The following CATSPER3 variants were observed in gnomAD, a reference collection of about 807,000 sequenced individuals.
CATSPER3 encodes the protein cation channel sperm associated 3.
CATSPER3 carries 23 observed loss-of-function variants against 36.6 expected under a neutral mutation model. The ratio of observed to expected loss-of-function variants is 0.63; its 90% CI spans 0.45 to 0.89. The LOEUF (loss-of-function observed/expected upper bound fraction) is 0.89, where lower values mean the gene tolerates loss of function less well. CATSPER3 is among the 40% of genes least tolerant of loss of function. The pLI, the probability that CATSPER3 is intolerant of heterozygous loss-of-function variation, is 0.00. For synonymous variants in CATSPER3, 172 were observed against 184.1 expected (o/e 0.93, Z 0.53); for missense variants, 474 against 503.9 (o/e 0.94, Z 0.57).
intron 2 of CATSPER3, among the ~76,000 whole-genome samples, chr5:134,993,664 A>G (rs992819095): frequency 6.6e-6 from 1 of 152,160 alleles, no homozygotes; most frequent in African/African-American, 2.4e-5. Context: ...GAAATAGATA[A>G]TTTTCTAAAA....
intron 3 of CATSPER3, among the ~76,000 whole-genome samples, chr5:135,007,170 G>T (rs907273499): frequency 6.6e-6 from 1 of 152,212 alleles, no homozygotes; most frequent in African/African-American, 2.4e-5. Context: ...TTGAGAGTTG[G>T]TCCCAGCTCT....
intron 1 of CATSPER3, chr5:134,969,406 A>G (rs1056197321): frequency 6.1e-6 from 1 of 164,966 alleles, no homozygotes; most frequent in Admixed American, 5.8e-5. Context: ...CCTGATTGGT[A>G]TTGCTGTAGA....
rs1236818123 is a variant in CATSPER3, at chr5:135,010,529, A to C, written c.1093A>C (p.Lys365Gln). 3.8e-5 allele frequency: 61 copies of C among 1,613,934 alleles called. No individual in the cohort carries two copies. The highest frequency in any genetic ancestry group is 5.0e-5 in the Non-Finnish European group (59 of 1,179,930). The change falls in exon 7 of 8, where the codon AAG (lysine) becomes CAG (glutamine). Residue 365 changes from lysine (K) to glutamine (Q), a missense_variant and splice_region_variant. By Grantham distance (53) the Lys-to-Gln change is moderately conservative. Coordinates refer to ENST00000282611, the MANE Select transcript of CATSPER3 (RefSeq NM_178019.3). ...TLDYQDTTVHKLQELYYEIVH... is the reference protein window; with the variant it reads ...TLDYQDTTVHQLQELYYEIVH... Reference sequence around the variant, plus strand: ...GGACTACCAGGACACAACTGTCCACAAGTCAGTTCCAGCCCCAGCCTTCCC... The same window carrying C: ...GGACTACCAGGACACAACTGTCCACCAGTCAGTTCCAGCCCCAGCCTTCCC...
chr5:134,988,039 C>G (rs1751832374), intron 2 of CATSPER3, among the ~76,000 whole-genome samples: 1 of 152,142 alleles, frequency 6.6e-6, no homozygotes, highest in South Asian at 2.1e-4. Context: ...GATTAAGTTC[C>G]AGACCACCAC....
chr5:134,996,522 C>A lies in CATSPER3; in HGVS notation c.492+10C>A. 3 of 1,613,552 alleles carry A rather than the reference C, an allele frequency of 1.9e-6. No homozygotes were observed. The highest frequency in any genetic ancestry group is 2.5e-6 in the Non-Finnish European group (3 of 1,179,852). The stretch of plus-strand genomic sequence containing the variant: ...TAGCCAGGGCATCCGGGTGAGTGCA[C>A]TGGGGGTGTCATGGTGCTGGGAGGG... On this transcript the variant is annotated intron_variant, in intron 3 of 7. Coordinates refer to ENST00000282611, the MANE Select transcript of CATSPER3 (RefSeq NM_178019.3).
chr5:134,976,225 G>A (rs921302653), intron 2 of CATSPER3, among the ~76,000 whole-genome samples: 9 of 152,154 alleles, frequency 5.9e-5, no homozygotes, highest in Non-Finnish European at 2.9e-5. Flanking sequence ...TGGTGATGCT[G>A]GCACCAGATG....
chr5:135,009,612 TTA>T, intron 6 of CATSPER3, 122 bp downstream of exon 6: 33 of 59,042 alleles, frequency 5.6e-4, no homozygotes, highest in Non-Finnish European at 7.7e-4. Context: ...ATCTGCAGCC[TTA>T]GGTAAGACAG....
chr5:135,009,217 C>A (rs181270927), intron 5 of CATSPER3, among the ~76,000 whole-genome samples, 154 bp from the exon 6 acceptor site: 1 of 152,192 alleles, frequency 6.6e-6, no homozygotes, highest in African/African-American at 2.4e-5. Context: ...GCCTCTGCAG[C>A]TACAGTTGGC....
At chr5:135,011,139 A>G (rs577829217) in intron 7 of CATSPER3, among the ~76,000 whole-genome samples, 1 of 152,354 alleles carries the variant, frequency 6.6e-6, no homozygotes, top group Non-Finnish European at 1.5e-5. Flanking sequence ...CAGTGAGGAC[A>G]GATATAATTA....
intron 2 of CATSPER3, among the ~76,000 whole-genome samples, chr5:134,977,028 G>A (rs917478172): frequency 6.6e-6 from 1 of 152,216 alleles, no homozygotes; most frequent in Admixed American, 6.5e-5. Context: ...AGGCCCCTGG[G>A]CCTGTTATGA....
intron 2 of CATSPER3, among the ~76,000 whole-genome samples, chr5:134,972,101 A>C (rs1432401489): frequency 6.6e-6 from 1 of 152,258 alleles, no homozygotes; most frequent in Non-Finnish European, 1.5e-5. Context: ...CCCCTTATAC[A>C]GGCTGAGCAT....
chr5:134,987,568 G>T (rs1751827001), intron 2 of CATSPER3, among the ~76,000 whole-genome samples: 1 of 152,074 alleles, frequency 6.6e-6, no homozygotes, highest in African/African-American at 2.4e-5. Context: ...CATTGAGAGA[G>T]TAACAAACTG....
chr5:134,970,244 C>A, intron 2 of CATSPER3, 152 bp downstream of exon 2: 1 of 735,854 alleles, frequency 1.4e-6, no homozygotes, highest in Non-Finnish European at 2.3e-6. Context: ...CAACCTCCAT[C>A]TCCACCTCCC....
intron 2 of CATSPER3, among the ~76,000 whole-genome samples, chr5:134,983,498 C>T (rs1751772945): frequency 6.6e-6 from 1 of 152,138 alleles, no homozygotes; most frequent in African/African-American, 2.4e-5. Flanking sequence ...TGCACCACTA[C>T]ACTGCAATCT....
At chr5:134,972,835 A>G (rs1324123074) in intron 2 of CATSPER3, among the ~76,000 whole-genome samples, 1 of 152,256 alleles carries the variant, frequency 6.6e-6, no homozygotes, top group Non-Finnish European at 1.5e-5. Context: ...AATAAACACC[A>G]AAACATATTC....
At chr5:135,000,476 A>G (rs1752006927) in intron 3 of CATSPER3, among the ~76,000 whole-genome samples, 1 of 152,114 alleles carries the variant, frequency 6.6e-6, no homozygotes, top group Non-Finnish European at 1.5e-5. Context: ...TATCAATTGG[A>G]ATAGTTTCAG....
rs1383830834 is a variant in CATSPER3 at position 134,967,986 on chromosome 5, TG to T, written c.-4del. 2.5e-6 allele frequency: 4 copies of T among 1,612,026 alleles called. No individual in the cohort carries two copies. In the South Asian group the frequency reaches 4.4e-5, roughly 18 times the overall value. ...AAGCAAGGAATAAAAGTTGAAAATT[TG>T]GAAAATGTCTCAACACCGTCACCAG... On this transcript the variant is annotated 5_prime_UTR_variant, in exon 1 of 8. Transcript: ENST00000282611.
At chr5:134,971,546 G>A (rs1751607251) in intron 2 of CATSPER3, among the ~76,000 whole-genome samples, 1 of 152,136 alleles carries the variant, frequency 6.6e-6, no homozygotes, top group Non-Finnish European at 1.5e-5. Flanking sequence ...TGTCTCTGTG[G>A]GGAAAGAAAC....
chr5:134,975,889 A>T (rs1751667060), intron 2 of CATSPER3, among the ~76,000 whole-genome samples: 1 of 152,210 alleles, frequency 6.6e-6, no homozygotes, highest in South Asian at 2.1e-4. Flanking sequence ...TCATCAATGG[A>T]TGAATGGATT....
Sources: gnomAD v4.1 joint callset for allele counts (sites outside exome capture counted in the v4.1 genomes callset) on GRCh38, gnomAD v4.1.1 for gene constraint, MANE v1.5 for transcripts, NCBI Gene and HGNC (gene_info 2026-07-23, HGNC 2026-07-21) for gene names.